The following MYH16 variants were observed in gnomAD, a reference collection of about 807,000 sequenced individuals.
MYH16 encodes myosin heavy chain 16.
At chr7:99,296,670 A>AC (rs1260173798) in intron 33 of MYH16, 31 bp from the exon 15 acceptor site, 10 of 454,006 alleles carry the variant, frequency 2.2e-5, no homozygotes, top group Non-Finnish European at 3.5e-5. Context: ...AGGAGGTTGG[A>AC]CCCCTAGAGG....
rs117880980 is a variant in MYH16, at chr7:99,278,885, C to T, written n.2660-625C>T. Among the ~76,000 whole-genome samples the T allele has an allele frequency of 8.1e-3, 1,232 of 152,278 alleles. 6 individuals carry two copies. The highest frequency in any genetic ancestry group is 0.024 in the Middle Eastern group (7 of 294). On this transcript the variant is annotated intron_variant and non_coding_transcript_variant, in intron 21 of 41. Coordinates refer to ENST00000439784, the Ensembl canonical transcript of MYH16. ...TTGTGAAGGCTGAGGCTGGGCAAGA[C>T]CAAAGTGATGGAAGAATCCTCCTGG...
rs1480727161 is a variant in MYH16, at chr7:99,306,042, T to G, written n.5635+6T>G. On this transcript the variant is annotated splice_donor_region_variant and intron_variant and non_coding_transcript_variant, in intron 41 of 41. Coordinates refer to ENST00000439784, the Ensembl canonical transcript of MYH16. ...AGAGGCAGATTGAGGAGGCGGTGGG[T>G]GTCCATGCGCCTCCCCACTCCTCCT... 2.0e-5 allele frequency: 3 copies of G among 152,546 alleles called. No individual in the cohort carries two copies. Among genetic ancestry groups the G allele is most frequent in the African/African-American group, 4.8e-5 (2 of 41,412 alleles). 9.4% of individuals were successfully genotyped at this position (152,546 alleles called of 1,614,324 possible).
intron 36 of MYH16, among the ~76,000 whole-genome samples, chr7:99,299,093 A>T (rs541975370): frequency 0.087 from 13,247 of 151,808 alleles, 837 homozygotes; most frequent in African/African-American, 0.18. Flanking sequence ...AAATAAAAAA[A>T]AAAAATAGCT....
intron 2 of MYH16, among the ~76,000 whole-genome samples, chr7:99,243,722 C>T (rs1791694986): frequency 6.6e-6 from 1 of 152,134 alleles, no homozygotes; most frequent in Non-Finnish European, 1.5e-5. Context: ...TCATTTTTCC[C>T]CTAGTGACTT....
chr7:99,301,300 G>A (rs1212232449), intron 37 of MYH16, among the ~76,000 whole-genome samples: 1 of 152,052 alleles, frequency 6.6e-6, no homozygotes, highest in Non-Finnish European at 1.5e-5. Flanking sequence ...GAGGTCACTG[G>A]GAAGGCCTCC....
intron 19 of MYH16, among the ~76,000 whole-genome samples, chr7:99,271,784 C>T (rs1371028853): frequency 6.6e-6 from 1 of 152,164 alleles, no homozygotes; most frequent in East Asian, 1.9e-4. Context: ...ACTGCAGCCT[C>T]AACCTCTTGG....
intron 32 of MYH16, among the ~76,000 whole-genome samples, chr7:99,293,536 C>T (rs931256922): frequency 1.3e-5 from 2 of 152,176 alleles, no homozygotes; most frequent in Non-Finnish European, 2.9e-5. Flanking sequence ...GCCCCAGACA[C>T]CCTCAGGGCC....
intron 9 of MYH16, among the ~76,000 whole-genome samples, chr7:99,257,126 G>T (rs1020003486): frequency 1.3e-5 from 2 of 152,146 alleles, no homozygotes; most frequent in African/African-American, 4.8e-5. Flanking sequence ...CTATATTGCA[G>T]AACATCTGAT....
At chr7:99,293,562 T>C (rs1792424192) in intron 32 of MYH16, among the ~76,000 whole-genome samples, 1 of 152,172 alleles carries the variant, frequency 6.6e-6, no homozygotes, top group South Asian at 2.1e-4. Context: ...ATTCCCTGGC[T>C]TAGACCTTTG....
downstream of MYH16, among the ~76,000 whole-genome samples, chr7:99,308,825 C>G (rs1792717879): frequency 6.6e-6 from 1 of 152,176 alleles, no homozygotes; most frequent in African/African-American, 2.4e-5. Context: ...GGCGCAGTGT[C>G]TCACGCCTCT....
intron 20 of MYH16, among the ~76,000 whole-genome samples, chr7:99,277,037 GAC>G (rs1792122764): frequency 1.7e-5 from 2 of 118,688 alleles, no homozygotes; most frequent in Non-Finnish European, 3.1e-5. Flanking sequence ...GCATGAGAGA[GAC>G]ACAGAGAGAG....
intron 23 of MYH16, among the ~76,000 whole-genome samples, chr7:99,282,875 G>A (rs961938587): frequency 6.6e-6 from 1 of 151,950 alleles, no homozygotes; most frequent in Non-Finnish European, 1.5e-5. Flanking sequence ...AGAACATTGA[G>A]TTACATGTAA....
chr7:99,293,222 C>T (rs548546663), intron 32 of MYH16, among the ~76,000 whole-genome samples: 12 of 152,292 alleles, frequency 7.9e-5, no homozygotes, highest in African/African-American at 2.9e-4. Flanking sequence ...CAAATTTTTT[C>T]TTGTATAAAG....
At chr7:99,285,905 C>T (rs777325807) in intron 27 of MYH16, among the ~76,000 whole-genome samples, 5 of 152,348 alleles carry the variant, frequency 3.3e-5, no homozygotes, top group African/African-American at 1.2e-4. Context: ...CAAATCACAG[C>T]GTACCTAACC....
exon 8 of MYH16, chr7:99,253,825 G>A: frequency 5.1e-6 from 1 of 196,172 alleles, no homozygotes. Flanking sequence ...TGAACTTGTT[G>A]GTAAAGACCT....
downstream of MYH16, among the ~76,000 whole-genome samples, chr7:99,307,631 G>A (rs931144580): frequency 1.3e-5 from 2 of 152,042 alleles, no homozygotes; most frequent in African/African-American, 2.4e-5. Context: ...GGCTGAGATA[G>A]GAGGATCCCT....
At chr7:99,309,087 C>T (rs1478404516), downstream of MYH16, among the ~76,000 whole-genome samples, 1 of 152,158 alleles carries the variant, frequency 6.6e-6, no homozygotes, top group Non-Finnish European at 1.5e-5. Flanking sequence ...CACACACACC[C>T]TGTGCTATGA....
chr7:99,307,814 C>T (rs989420969), downstream of MYH16, among the ~76,000 whole-genome samples: 6 of 152,074 alleles, frequency 3.9e-5, no homozygotes, highest in Admixed American at 1.3e-4. Flanking sequence ...CTGCAACCTC[C>T]GCCTCCCAGG....
In MYH16 at chr7:99,289,395, C is replaced by T. The variant is rs114672351; in HGVS notation, n.3815C>T. ...AGCAGAAATCAATGCCATCAGGACC[C>T]GCCTCCAAGGTGAGCCCTCTCCGCC... On this transcript the variant is annotated non_coding_transcript_exon_variant, in exon 30 of 42. Coordinates refer to ENST00000439784, the Ensembl canonical transcript of MYH16. 1,003 of 438,122 alleles carry T rather than the reference C, an allele frequency of 2.3e-3. 6 individuals carry two copies. The highest frequency in any genetic ancestry group is 0.019 in the African/African-American group (922 of 49,346). The allele number at this position is 438,122 out of a possible 1,614,324, so 27.1% of individuals were successfully genotyped here.
Sources: gnomAD v4.1 joint callset for allele counts (sites outside exome capture counted in the v4.1 genomes callset) on GRCh38, gnomAD v4.1.1 for gene constraint, MANE v1.5 for transcripts, NCBI Gene and HGNC (gene_info 2026-07-23, HGNC 2026-07-21) for gene names.